Variants in VOPP1 observed in about 807,000 individuals in gnomAD.
VOPP1 encodes WW domain binding protein VOPP1.
Under a neutral mutation model 23.5 loss-of-function variants are expected in VOPP1, and 8 were observed. The ratio of observed to expected loss-of-function variants is 0.34; its 90% CI spans 0.20 to 0.61. The LOEUF (loss-of-function observed/expected upper bound fraction) is 0.61. Ranked by LOEUF, VOPP1 falls within the 20% of genes least tolerant of loss-of-function variation. The probability of loss-of-function intolerance (pLI) is 0.78; values close to 1 mark genes in which losing one functional copy is unlikely to be tolerated. For synonymous variants in VOPP1, 83 were observed against 97.3 expected, an observed-to-expected ratio of 0.85 and a Z score of 0.86; for missense variants, 174 against 238.1, an observed-to-expected ratio of 0.73 and a Z score of 1.77.
chr7:55,454,223 C>A (rs922132727), intron 4 of VOPP1, among the ~76,000 whole-genome samples: 3 of 152,178 alleles, frequency 2.0e-5, no homozygotes, highest in Admixed American at 2.0e-4. Context: ...TTTCTGGACA[C>A]ATACACCCTC....
intron 2 of VOPP1, among the ~76,000 whole-genome samples, chr7:55,511,209 A>G (rs968860670): frequency 6.6e-6 from 1 of 152,226 alleles, no homozygotes; most frequent in African/African-American, 2.4e-5. Flanking sequence ...ATGTTAACAC[A>G]GTGCTGGCGG....
intron 1 of VOPP1, chr7:55,526,994 C>T (rs1796230067): frequency 6.6e-6 from 1 of 152,186 alleles, no homozygotes; most frequent in African/African-American, 2.4e-5. Context: ...AGAGTGGGCT[C>T]GTTACACTCC....
intron 2 of VOPP1, among the ~76,000 whole-genome samples, chr7:55,519,618 T>G (rs1795705567): frequency 6.6e-6 from 1 of 152,042 alleles, no homozygotes; most frequent in Admixed American, 6.5e-5. Context: ...AACTCTGTAA[T>G]TAGAGCCCAA....
Position 55,497,667 on chromosome 7 carries a change from C to G in VOPP1, c.137G>C (p.Cys46Ser). ...GGCCCGCACACAGCACCTGGAGCCA[C>G]AGCAGTCCTCGTAGGAGCGGCATCT... ...YYICRSYEDC[C>S]GSRCCVRALS... is the part of the protein sequence containing the mutation. The change falls in exon 3 of 5, where the codon TGT becomes TCT. Residue 46 changes from cysteine to serine, a missense_variant. Physicochemically the swap from Cys to Ser is moderately radical, Grantham distance 112. Coordinates refer to ENST00000285279, the MANE Select transcript of VOPP1 (RefSeq NM_030796.5). 1 of 1,613,774 alleles carries G rather than the reference C, an allele frequency of 6.2e-7. No individual in the cohort carries two copies. Among genetic ancestry groups the G allele is most frequent in the Non-Finnish European group, 8.5e-7 (1 of 1,179,862 alleles).
chr7:55,458,482 A>G (rs1191359039), intron 4 of VOPP1, among the ~76,000 whole-genome samples: 3 of 152,102 alleles, frequency 2.0e-5, no homozygotes, highest in Admixed American at 2.0e-4. Flanking sequence ...TTTGATAGAG[A>G]TTGCTTTGAA....
At chr7:55,568,495 A>T (rs1283701026) in intron 1 of VOPP1, among the ~76,000 whole-genome samples, 1 of 152,182 alleles carries the variant, frequency 6.6e-6, no homozygotes, top group African/African-American at 2.4e-5. Flanking sequence ...TCAGAAAGAT[A>T]ATGAGTAGTC....
At chr7:55,507,426 T>TA (rs1323881272) in intron 2 of VOPP1, among the ~76,000 whole-genome samples, 1 of 152,064 alleles carries the variant, frequency 6.6e-6, no homozygotes. Context: ...TATTTTTTTT[T>TA]AACAGCTTTA....
rs60284804 is a variant in VOPP1 at position 55,568,081 on chromosome 7, C to CTTT, written c.54+4187_54+4189dup. ...AACCCTCTCTAAGAGACAACTATTC[C>CTTT]TTTTTTTTTTTTTTTTTTGAGACAG... On this transcript the variant is annotated intron_variant, in intron 1 of 4. Coordinates refer to ENST00000285279, the MANE Select transcript of VOPP1 (RefSeq NM_030796.5). 6.3e-3 allele frequency among the ~76,000 whole-genome samples: 785 copies of CTTT among 123,998 alleles called. 32 individuals carry two copies. Among genetic ancestry groups the CTTT allele is most frequent in the African/African-American group, 0.017 (555 of 32,718 alleles). The allele number at this position is 123,998 out of a possible 152,430, so 81.3% of individuals were successfully genotyped here.
chr7:55,556,715 C>G (rs769659822), intron 1 of VOPP1, among the ~76,000 whole-genome samples: 3 of 151,008 alleles, frequency 2.0e-5, no homozygotes, highest in Non-Finnish European at 4.4e-5. Context: ...TTATGTTTCT[C>G]AGATTATAGA....
chr7:55,515,521 C>A (rs1795346850), intron 2 of VOPP1, among the ~76,000 whole-genome samples: 1 of 152,240 alleles, frequency 6.6e-6, no homozygotes, highest in Non-Finnish European at 1.5e-5. Context: ...AGAATACAGG[C>A]ATCCCAAATA....
chr7:55,438,060 C>T (rs1190645669), intron 4 of VOPP1, among the ~76,000 whole-genome samples: 1 of 151,974 alleles, frequency 6.6e-6, no homozygotes, highest in African/African-American at 2.4e-5. Flanking sequence ...CCCAACCTCA[C>T]CCGGCTAATT....
intron 4 of VOPP1, among the ~76,000 whole-genome samples, chr7:55,451,235 A>T (rs756791636): frequency 1.3e-5 from 2 of 152,220 alleles, no homozygotes; most frequent in Non-Finnish European, 2.9e-5. Context: ...ACACTTCCGC[A>T]CAGCCCATCT....
intron 1 of VOPP1, among the ~76,000 whole-genome samples, chr7:55,540,872 G>A (rs1797104351): frequency 6.6e-6 from 1 of 152,002 alleles, no homozygotes; most frequent in Non-Finnish European, 1.5e-5. Flanking sequence ...GGTCTGAGAA[G>A]GCTTACATAA....
chr7:55,525,489 CAAA>C (rs535700902), intron 1 of VOPP1, among the ~76,000 whole-genome samples: 12 of 111,174 alleles, frequency 1.1e-4, no homozygotes, highest in Non-Finnish European at 7.8e-5. Context: ...ACTCCGTCTC[CAAA>C]AAAAAAAAAA....
intron 2 of VOPP1, among the ~76,000 whole-genome samples, chr7:55,518,915 A>C (rs370678867): frequency 1.3e-5 from 2 of 152,212 alleles, no homozygotes; most frequent in South Asian, 4.1e-4. Flanking sequence ...AAGTTTCGGC[A>C]ATGGTTCAGA....
chr7:55,516,562 A>G (rs1304822313), intron 2 of VOPP1, among the ~76,000 whole-genome samples: 1 of 152,210 alleles, frequency 6.6e-6, no homozygotes, highest in Non-Finnish European at 1.5e-5. Context: ...AAATGCAGGG[A>G]CAGGCAGAGT....
rs537769205 is a variant in VOPP1 at position 55,569,719 on chromosome 7, T to A, written c.54+2552A>T. On this transcript the variant is annotated intron_variant, in intron 1 of 4. Transcript: ENST00000285279. Reference sequence around the variant, plus strand: ...GTAAGCAAACATAAATATGCAGTTCTATGTCTAACAGGTAAGTAAATTTCT... The same window carrying A: ...GTAAGCAAACATAAATATGCAGTTCAATGTCTAACAGGTAAGTAAATTTCT... 2.2e-4 allele frequency among the ~76,000 whole-genome samples: 34 copies of A among 152,348 alleles called. No homozygotes were observed. The Middle Eastern group carries it at 0.017, about 76-fold the overall frequency.
intron 1 of VOPP1, among the ~76,000 whole-genome samples, chr7:55,550,164 T>A (rs1369903714): frequency 1.3e-5 from 2 of 152,214 alleles, no homozygotes; most frequent in East Asian, 3.8e-4. Flanking sequence ...CAAGGACTCC[T>A]GGCAGAATCC....
At chr7:55,463,789 G>C (rs1377728166) in intron 4 of VOPP1, among the ~76,000 whole-genome samples, 1 of 152,170 alleles carries the variant, frequency 6.6e-6, no homozygotes, top group African/African-American at 2.4e-5. Context: ...CACTGATAGG[G>C]GATGTGTCAG....
Sources: gnomAD v4.1 joint callset for allele counts (sites outside exome capture counted in the v4.1 genomes callset) on GRCh38, gnomAD v4.1.1 for gene constraint, MANE v1.5 for transcripts, NCBI Gene and HGNC (gene_info 2026-07-23, HGNC 2026-07-21) for gene names.